Variants in ACTR3C observed in about 807,000 individuals in gnomAD.
The protein encoded by ACTR3C is actin-related protein 3C.
A neutral mutation model predicts 26.3 loss-of-function variants in ACTR3C; 18 were observed. The ratio of observed to expected loss-of-function variants is 0.68; its 90% CI spans 0.47 to 1.01. The LOEUF is 1.01. ACTR3C is among the 50% of genes least tolerant of loss of function. The probability of loss-of-function intolerance (pLI) is 0.00; values close to 1 mark genes in which losing one functional copy is unlikely to be tolerated. For synonymous variants in ACTR3C, 55 were observed against 94.5 expected (o/e 0.58, Z 2.42); for missense variants, 184 against 250.7 (o/e 0.73, Z 1.80).
the ACTR3C span, among the ~76,000 whole-genome samples, chr7:150,108,662 G>A: frequency 1.3e-5 from 2 of 150,444 alleles, no homozygotes; most frequent in Non-Finnish European, 1.5e-5. Flanking sequence ...GAGAAGGTTC[G>A]TTCTCTTCCA....
chr7:149,882,803 C>T, the ACTR3C span, among the ~76,000 whole-genome samples: 3 of 152,250 alleles, frequency 2.0e-5, no homozygotes, highest in South Asian at 2.1e-4. Flanking sequence ...ACGTAGGAGT[C>T]GGGAAAGGGC....
chr7:150,007,169 G>T, the ACTR3C span, among the ~76,000 whole-genome samples: 1 of 149,394 alleles, frequency 6.7e-6, no homozygotes, highest in South Asian at 2.2e-4. Flanking sequence ...CCCAACGAAT[G>T]GCTCCAGAGA....
the ACTR3C span, among the ~76,000 whole-genome samples, chr7:150,169,048 T>C: frequency 6.6e-6 from 1 of 150,516 alleles, no homozygotes; most frequent in Non-Finnish European, 1.5e-5. Flanking sequence ...GACGAGGTCA[T>C]GAAGATGGGG....
At chr7:149,930,336 A>G in the ACTR3C span, among the ~76,000 whole-genome samples, 19 of 152,234 alleles carry the variant, frequency 1.2e-4, no homozygotes, top group Non-Finnish European at 1.9e-4. Context: ...ATAAAAGGAT[A>G]TGATCTCTGC....
the ACTR3C span, among the ~76,000 whole-genome samples, chr7:150,075,336 C>G: frequency 7.5e-6 from 1 of 133,232 alleles, no homozygotes; most frequent in South Asian, 2.9e-4. Context: ...AGTACTCCCC[C>G]TACCCTATTT....
chr7:150,080,696 G>T, the ACTR3C span, among the ~76,000 whole-genome samples: 6 of 152,160 alleles, frequency 3.9e-5, no homozygotes, highest in African/African-American at 1.4e-4. Context: ...TGATCACTCA[G>T]ACTCCACAGG....
At chr7:150,191,072 G>A in the ACTR3C span, among the ~76,000 whole-genome samples, 1 of 152,190 alleles carries the variant, frequency 6.6e-6, no homozygotes, top group Non-Finnish European at 1.5e-5. Flanking sequence ...TGTGGACACA[G>A]CCAGACCATA....
chr7:150,034,027 G>A, the ACTR3C span, among the ~76,000 whole-genome samples: 1 of 150,824 alleles, frequency 6.6e-6, no homozygotes, highest in Non-Finnish European at 1.5e-5. Context: ...GTGGTCCCAA[G>A]AGCCAGGGGG....
the ACTR3C span, among the ~76,000 whole-genome samples, chr7:150,115,216 A>G: frequency 1.3e-5 from 2 of 152,224 alleles, no homozygotes; most frequent in Non-Finnish European, 2.9e-5. Context: ...TACAAAGTAA[A>G]GAAATAATAT....
At chr7:149,969,180 C>T in the ACTR3C span, among the ~76,000 whole-genome samples, 5 of 152,240 alleles carry the variant, frequency 3.3e-5, no homozygotes, top group South Asian at 6.2e-4. Flanking sequence ...ACGCTGTCTT[C>T]GTTCTTGGAC....
the ACTR3C span, among the ~76,000 whole-genome samples, chr7:150,116,379 CTCT>C: frequency 6.6e-6 from 1 of 152,210 alleles, no homozygotes; most frequent in Admixed American, 6.5e-5. Flanking sequence ...TTTGTCAAGT[CTCT>C]TCTTCGTGCC....
At chr7:150,014,455 C>CA in the ACTR3C span, among the ~76,000 whole-genome samples, 31 of 111,662 alleles carry the variant, frequency 2.8e-4, no homozygotes, top group African/African-American at 8.4e-4. Flanking sequence ...GACTCCGTCT[C>CA]AAAAAAAAAA....
chr7:150,228,297 T>C, the ACTR3C span, among the ~76,000 whole-genome samples: 1 of 152,254 alleles, frequency 6.6e-6, no homozygotes, highest in Non-Finnish European at 1.5e-5. Context: ...TTTCACATCC[T>C]AATGTCTTAT....
the ACTR3C span, among the ~76,000 whole-genome samples, chr7:150,037,075 T>TC: frequency 3.2e-4 from 31 of 97,554 alleles, no homozygotes; most frequent in Non-Finnish European, 3.9e-4. Context: ...GGGGGGTGCC[T>TC]CCCCCTCGTG....
the ACTR3C span, among the ~76,000 whole-genome samples, chr7:150,104,129 T>C: frequency 2.0e-5 from 3 of 151,388 alleles, no homozygotes; most frequent in Non-Finnish European, 4.4e-5. Context: ...GCTATAGTTA[T>C]AAAATATTTA....
the ACTR3C span, among the ~76,000 whole-genome samples, chr7:150,219,410 G>A: frequency 1.4e-5 from 2 of 147,062 alleles, no homozygotes; most frequent in Non-Finnish European, 2.9e-5. Context: ...ATAAATATTC[G>A]AAAATATTTT....
At position 150,315,830 on chromosome 7, in the gene ACTR3C, C is replaced by CT. The variant is rs111902608; in HGVS notation, c.-52+7638dup. Among the ~76,000 whole-genome samples the CT allele has an allele frequency of 5.2e-4, 78 of 148,896 alleles. 1 individual carries two copies. Among genetic ancestry groups the CT allele is most frequent in the South Asian group, 8.5e-4 (4 of 4,710 alleles). On this transcript the variant is annotated intron_variant, in intron 1 of 7. Coordinates refer to ENST00000683684, the MANE Select transcript of ACTR3C (RefSeq NM_001164458.2). Reference sequence around the variant, plus strand: ...AGACACAAACACTCCCAACACTATACTTTTTTTTTTTTCACTTAACGATGT... The same window carrying CT: ...AGACACAAACACTCCCAACACTATACTTTTTTTTTTTTTCACTTAACGATGT...
chr7:150,304,431 G>GGTAC, intron 1 of ACTR3C, among the ~76,000 whole-genome samples: 1 of 152,172 alleles, frequency 6.6e-6, no homozygotes, highest in South Asian at 2.1e-4. Flanking sequence ...TACCAAGGAT[G>GGTAC]GTACGTTTTA....
the ACTR3C span, among the ~76,000 whole-genome samples, chr7:150,038,498 T>C: frequency 7.0e-5 from 10 of 143,404 alleles, no homozygotes; most frequent in South Asian, 4.3e-4. Context: ...TACAAAGGCT[T>C]GGCTAATACT....
Sources: gnomAD v4.1 joint callset for allele counts (sites outside exome capture counted in the v4.1 genomes callset) on GRCh38, gnomAD v4.1.1 for gene constraint, MANE v1.5 for transcripts, NCBI Gene and HGNC (gene_info 2026-07-23, HGNC 2026-07-21) for gene names.